The following IL19 variants were observed in gnomAD, a reference collection of about 807,000 sequenced individuals.
IL19 encodes the protein interleukin-19.
A neutral mutation model predicts 19.5 loss-of-function variants in IL19; 15 were observed. The ratio of observed to expected loss-of-function variants is 0.77; its 90% CI spans 0.52 to 1.19. The LOEUF is 1.19. Ranked by LOEUF, IL19 falls within the 50% of genes most tolerant of loss-of-function variation. The pLI is 0.00. For missense variants in IL19, 199 were observed against 213.1 expected (o/e 0.93, Z 0.41); for synonymous variants, 78 against 78.3 (o/e 1.00, Z 0.02).
At chr1:206,809,325 G>T (rs1675939624) in intron 2 of IL19, among the ~76,000 whole-genome samples, 1 of 152,160 alleles carries the variant, frequency 6.6e-6, no homozygotes, top group Non-Finnish European at 1.5e-5. Flanking sequence ...CATGTGATAG[G>T]CTTTTTAGTC....
chr1:206,798,713 C>T lies in IL19; in HGVS notation c.-148-148C>T, dbSNP rs572416017. Among the ~76,000 whole-genome samples, 157 of 151,874 alleles carry T rather than the reference C, an allele frequency of 1.0e-3. 1 individual carries two copies. The highest frequency in any genetic ancestry group is 8.7e-4 in the Non-Finnish European group (59 of 67,944). ...CTCTCCCACACAATACAGGCCTTGA[C>T]TGAGGGTGTGATTCGGTTCAGAGTA... is the stretch of plus-strand genomic sequence containing the variant. On this transcript the variant is annotated intron_variant, in intron 1 of 6. Transcript: ENST00000659997.
chr1:206,807,506 C>T (rs139856123), intron 2 of IL19, among the ~76,000 whole-genome samples: 1 of 152,338 alleles, frequency 6.6e-6, no homozygotes, highest in Non-Finnish European at 1.5e-5. Flanking sequence ...ACTCTCTCCC[C>T]TCAACCCTTT....
At chr1:206,817,723 GGAGATA>G (rs1676193534) in intron 2 of IL19, among the ~76,000 whole-genome samples, 1 of 151,522 alleles carries the variant, frequency 6.6e-6, no homozygotes, top group African/African-American at 2.4e-5. Context: ...AGAACTACAA[GGAGATA>G]TAGAAAAATT....
At chr1:206,791,888 A>G (rs1427166550) in intron 1 of IL19, among the ~76,000 whole-genome samples, 1 of 152,218 alleles carries the variant, frequency 6.6e-6, no homozygotes, top group African/African-American at 2.4e-5. Context: ...AATATCCCAG[A>G]CAGGGTGTCT....
At chr1:206,771,862 C>T (rs1327922382) in intron 1 of IL19, among the ~76,000 whole-genome samples, 1 of 152,216 alleles carries the variant, frequency 6.6e-6, no homozygotes, top group Admixed American at 6.5e-5. Flanking sequence ...ATGTAGAGTG[C>T]TTCCCTAAAC....
At chr1:206,792,459 C>T (rs1675431365) in intron 1 of IL19, among the ~76,000 whole-genome samples, 1 of 152,028 alleles carries the variant, frequency 6.6e-6, no homozygotes, top group Admixed American at 6.6e-5. Context: ...TCCCCCCACC[C>T]CGCCTTTTTT....
intron 1 of IL19, among the ~76,000 whole-genome samples, chr1:206,775,381 TGTGTAGCTAA>T (rs1423388760): frequency 1.3e-5 from 2 of 152,128 alleles, no homozygotes; most frequent in Middle Eastern, 3.2e-3. Flanking sequence ...TGTTCTGAAA[TGTGTAGCTAA>T]TTATCTCAAG....
intron 2 of IL19, among the ~76,000 whole-genome samples, chr1:206,830,054 T>C (rs1676549263): frequency 6.6e-6 from 1 of 152,206 alleles, no homozygotes; most frequent in South Asian, 2.1e-4. Context: ...CCTCCTCTGC[T>C]GAATGGGCTT....
rs1220346291 is a variant in IL19 at position 206,834,395 on chromosome 1, T to C, written c.-2-2266T>C. 3.0e-6 allele frequency: 3 copies of C among 985,568 alleles called. No homozygotes were observed. In the South Asian group the frequency reaches 1.4e-4, roughly 46 times the overall value. 61.1% of individuals were successfully genotyped at this position (985,568 alleles called of 1,614,324 possible). On this transcript the variant is annotated intron_variant, in intron 2 of 6. Transcript: ENST00000659997. ...CAAGGAGCAGCCCGCAAGCACCAAGTGAGAGGTGAGGCTCACGCTGTCCGT... is the reference window on the plus strand; with the variant it reads ...CAAGGAGCAGCCCGCAAGCACCAAGCGAGAGGTGAGGCTCACGCTGTCCGT...
intron 2 of IL19, among the ~76,000 whole-genome samples, chr1:206,810,108 G>T (rs1425335840): frequency 4.6e-5 from 7 of 152,210 alleles, no homozygotes; most frequent in Middle Eastern, 3.2e-3. Context: ...TACACTAAAA[G>T]AAGTGCAAGA....
chr1:206,834,923 C>T (rs553634792), intron 2 of IL19, among the ~76,000 whole-genome samples: 2 of 152,254 alleles, frequency 1.3e-5, no homozygotes, highest in East Asian at 3.9e-4. Context: ...GGGCAGGTTA[C>T]TTCATTTTTT....
intron 2 of IL19, among the ~76,000 whole-genome samples, chr1:206,830,720 A>G (rs1676576028): frequency 6.6e-6 from 1 of 152,054 alleles, no homozygotes. Flanking sequence ...CTGGAATTAC[A>G]GGTACTGCCA....
At position 206,840,071 on chromosome 1, in the gene IL19, C is replaced by T. The variant is rs1488127188; in HGVS notation, c.363+69C>T. 5 of 1,529,968 alleles carry T rather than the reference C, an allele frequency of 3.3e-6. No individual in the cohort carries two copies. The East Asian group carries it at 1.1e-4, about 34-fold the overall frequency. 94.8% of individuals were successfully genotyped at this position (1,529,968 alleles called of 1,614,324 possible). A position where few individuals can be genotyped will look rare whatever the true frequency, so the allele number is the denominator to read the frequency against. ...CCAAGGAGAGGCCAGGAAGTGCTGG[C>T]CCCCATCGGCCTCCTGATATGGTGC... On this transcript the variant is annotated intron_variant, in intron 5 of 6. Transcript: ENST00000659997.
intron 1 of IL19, among the ~76,000 whole-genome samples, chr1:206,790,605 T>G (rs1675376352): frequency 1.3e-5 from 2 of 152,124 alleles, no homozygotes; most frequent in Admixed American, 1.3e-4. Flanking sequence ...CCGGCTACTG[T>G]GATTTGGTTG....
intron 1 of IL19, among the ~76,000 whole-genome samples, chr1:206,781,212 G>A (rs1452813525): frequency 2.0e-5 from 3 of 151,816 alleles, no homozygotes; most frequent in East Asian, 3.9e-4. Context: ...TTGGGAGGCC[G>A]AGATGGGCGG....
chr1:206,841,964 C>T (rs911835990), intron 6 of IL19, among the ~76,000 whole-genome samples: 20 of 152,158 alleles, frequency 1.3e-4, no homozygotes, highest in East Asian at 3.8e-4. Context: ...CTACAGGACG[C>T]GCTAAAAGCA....
chr1:206,837,579 T>A (rs752528927), intron 4 of IL19, among the ~76,000 whole-genome samples: 4 of 152,136 alleles, frequency 2.6e-5, no homozygotes, highest in Non-Finnish European at 4.4e-5. Context: ...CTGGGTGCAG[T>A]GGCTTATGCC....
At chr1:206,804,997 A>C (rs763106129) in intron 2 of IL19, among the ~76,000 whole-genome samples, 7 of 152,148 alleles carry the variant, frequency 4.6e-5, no homozygotes, top group Non-Finnish European at 1.0e-4. Flanking sequence ...CTCTGTGGAC[A>C]CTGTTCTGAT....
chr1:206,804,273 C>T (rs572551195), intron 2 of IL19, among the ~76,000 whole-genome samples: 155 of 152,270 alleles, frequency 1.0e-3, no homozygotes, highest in African/African-American at 3.2e-3. Context: ...AACATCTGTC[C>T]GAGTCATGAC....
Sources: gnomAD v4.1 joint callset for allele counts (sites outside exome capture counted in the v4.1 genomes callset) on GRCh38, gnomAD v4.1.1 for gene constraint, MANE v1.5 for transcripts, NCBI Gene and HGNC (gene_info 2026-07-23, HGNC 2026-07-21) for gene names.